CDH10: variants seen among roughly 807,000 people sequenced by gnomAD.
The protein encoded by CDH10 is cadherin 10.
A neutral mutation model predicts 73.1 loss-of-function variants in CDH10; 30 were observed. The observed-to-expected ratio is 0.41, with a 90% CI of 0.31 to 0.56. CDH10 has a LOEUF of 0.56. Ranked by LOEUF, CDH10 falls within the 20% of genes least tolerant of loss-of-function variation. CDH10 has a pLI of 0.27. For missense variants in CDH10, 815 were observed against 973.7 expected (o/e 0.84, Z 2.17); for synonymous variants, 345 against 348.2 (o/e 0.99, Z 0.10).
intron 5 of CDH10, among the ~76,000 whole-genome samples, chr5:24,518,180 T>C (rs1743179067): frequency 6.6e-6 from 1 of 152,310 alleles, no homozygotes; most frequent in South Asian, 2.1e-4. Context: ...CTTTTCCACA[T>C]ACCTTTTTCT....
intron 5 of CDH10, among the ~76,000 whole-genome samples, chr5:24,526,349 A>T (rs1037091992): frequency 1.3e-5 from 2 of 152,070 alleles, no homozygotes; most frequent in African/African-American, 4.8e-5. Context: ...ACAGTTCATC[A>T]CAGACGGAAA....
chr5:24,607,571 C>A (rs1746801581), intron 1 of CDH10, among the ~76,000 whole-genome samples: 1 of 152,086 alleles, frequency 6.6e-6, no homozygotes, highest in Admixed American at 6.6e-5. Context: ...CCTGGCAAAT[C>A]CCAGAGAAAT....
chr5:24,592,703 T>C (rs1461352372), intron 2 of CDH10, among the ~76,000 whole-genome samples: 1 of 151,870 alleles, frequency 6.6e-6, no homozygotes, highest in Non-Finnish European at 1.5e-5. Flanking sequence ...TTTCTTCCTA[T>C]TCGTTTTTCT....
chr5:24,563,199 C>T (rs1299922294), intron 2 of CDH10, among the ~76,000 whole-genome samples: 1 of 152,016 alleles, frequency 6.6e-6, no homozygotes, highest in Non-Finnish European at 1.5e-5. Context: ...TAGGTGACTG[C>T]AATAATTACA....
chr5:24,488,029 G>C lies in CDH10; in HGVS notation c.2001C>G (p.Thr667=). 1 of 1,613,622 alleles carries C rather than the reference G, an allele frequency of 6.2e-7. No homozygotes were observed. The highest frequency in any genetic ancestry group is 8.5e-7 in the Non-Finnish European group (1 of 1,179,874). The change falls in exon 12 of 12, where the codon ACC becomes ACG. Residue 667 remains threonine, a synonymous_variant. Coordinates refer to ENST00000264463, the MANE Select transcript of CDH10 (RefSeq NM_006727.5). ...YNDEGGGEED[T]QAFDIGTLRN... ...TCAGGGTGCCGATATCAAAGGCCTG[G>C]GTGTCCTCCTCTCCACCACCCTCAT...
At position 24,487,373 on chromosome 5, in the gene CDH10, G is replaced by C. The variant is rs555416793; in HGVS notation, c.*290C>G. On this transcript the variant is annotated 3_prime_UTR_variant, in exon 12 of 12. Transcript: ENST00000264463. ...GCGGCTTGTTTGTGAGGTTGCTTAAGGGAGAACTATCCTGTTCATGTTTCT... is the reference window on the plus strand; with the variant it reads ...GCGGCTTGTTTGTGAGGTTGCTTAACGGAGAACTATCCTGTTCATGTTTCT... 1.0e-5 allele frequency: 3 copies of C among 286,428 alleles called. No individual in the cohort carries two copies. Among genetic ancestry groups the C allele is most frequent in the African/African-American group, 6.5e-5 (3 of 46,162 alleles). 17.7% of individuals were successfully genotyped at this position (286,428 alleles called of 1,614,324 possible).
At chr5:24,600,787 A>G (rs1647386984) in intron 1 of CDH10, among the ~76,000 whole-genome samples, 1 of 152,192 alleles carries the variant, frequency 6.6e-6, no homozygotes, top group South Asian at 2.1e-4. Flanking sequence ...CAGGGGGGAA[A>G]AGAAATATAT....
intron 10 of CDH10, 79 bp downstream of exon 10, chr5:24,492,738 T>C: frequency 8.3e-6 from 6 of 719,986 alleles, no homozygotes; most frequent in Non-Finnish European, 1.5e-5. Flanking sequence ...TGATATGGCA[T>C]ATATATTGCA....
chr5:24,630,927 G>T (rs1296621797), intron 1 of CDH10, among the ~76,000 whole-genome samples: 1 of 152,110 alleles, frequency 6.6e-6, no homozygotes, highest in African/African-American at 2.4e-5. Flanking sequence ...TTTCAGCAAA[G>T]TTAGGAGGCA....
intron 1 of CDH10, among the ~76,000 whole-genome samples, chr5:24,632,999 TTATACA>T (rs1308616710): frequency 6.6e-6 from 1 of 151,840 alleles, no homozygotes; most frequent in African/African-American, 2.4e-5. Context: ...ATAGATATAG[TTATACA>T]TATAGAAATA....
At chr5:24,592,109 A>T (rs891541648) in intron 2 of CDH10, among the ~76,000 whole-genome samples, 7 of 151,814 alleles carry the variant, frequency 4.6e-5, no homozygotes, top group Non-Finnish European at 1.0e-4. Context: ...TCTAGTCAAC[A>T]TGATATTTAA....
At chr5:24,614,738 T>G (rs576577723) in intron 1 of CDH10, among the ~76,000 whole-genome samples, 1 of 152,186 alleles carries the variant, frequency 6.6e-6, no homozygotes, top group Non-Finnish European at 1.5e-5. Flanking sequence ...GATTAAAATT[T>G]GATATTTGGG....
intron 9 of CDH10, among the ~76,000 whole-genome samples, chr5:24,497,598 T>C (rs1267923354): frequency 6.6e-6 from 1 of 152,204 alleles, no homozygotes; most frequent in Admixed American, 6.5e-5. Context: ...AATGTAACAA[T>C]GACATTGATG....
At chr5:24,520,843 C>T (rs1227292957) in intron 5 of CDH10, among the ~76,000 whole-genome samples, 1 of 152,206 alleles carries the variant, frequency 6.6e-6, no homozygotes, top group Middle Eastern at 3.4e-3. Context: ...TCTCCCATCT[C>T]AGTCTCCCAA....
intron 1 of CDH10, among the ~76,000 whole-genome samples, chr5:24,620,416 T>C (rs900107361): frequency 3.9e-5 from 6 of 152,176 alleles, no homozygotes; most frequent in African/African-American, 1.4e-4. Context: ...TTGTCTAAAA[T>C]GAATCAGCCT....
At chr5:24,492,282 C>T (rs183118853) in intron 10 of CDH10, among the ~76,000 whole-genome samples, 4 of 152,222 alleles carry the variant, frequency 2.6e-5, no homozygotes, top group East Asian at 1.9e-4. Flanking sequence ...GTAAATTTCA[C>T]GCATTGTTGC....
At chr5:24,597,307 A>C (rs1746402041) in intron 1 of CDH10, among the ~76,000 whole-genome samples, 1 of 152,106 alleles carries the variant, frequency 6.6e-6, no homozygotes, top group Non-Finnish European at 1.5e-5. Context: ...TAATATGTTC[A>C]CCTATAATGC....
intron 1 of CDH10, among the ~76,000 whole-genome samples, chr5:24,598,864 C>T (rs921573578): frequency 5.9e-5 from 9 of 152,096 alleles, no homozygotes; most frequent in Admixed American, 3.9e-4. Context: ...AGCTATACTA[C>T]GTGCTAACAT....
intron 2 of CDH10, among the ~76,000 whole-genome samples, chr5:24,588,859 AAAAC>A (rs1746106951): frequency 6.6e-6 from 1 of 152,362 alleles, no homozygotes; most frequent in Admixed American, 6.5e-5. Context: ...TAAAACAATA[AAAAC>A]ATGCTTTTTG....
Sources: allele counts gnomAD v4.1 joint callset (sites outside exome capture counted in the v4.1 genomes callset), GRCh38; gene constraint gnomAD v4.1.1; transcripts MANE v1.5; gene names NCBI Gene and HGNC (gene_info 2026-07-23, HGNC 2026-07-21).